Variants in STK3 observed in about 807,000 individuals in gnomAD.
STK3 encodes serine/threonine-protein kinase 3.
In STK3, 41 loss-of-function variants were observed where a neutral mutation model predicts 58.0. That is an observed-to-expected ratio of 0.71 (90% CI 0.55 to 0.92). The LOEUF is 0.92. Among genes scored for constraint, STK3 ranks in the 40% least tolerant of loss-of-function variants. The probability of loss-of-function intolerance (pLI) is 0.00; values close to 1 mark genes in which losing one functional copy is unlikely to be tolerated. For synonymous variants in STK3, 170 were observed against 191.0 expected, an observed-to-expected ratio of 0.89 and a Z score of 0.91; for missense variants, 479 against 602.7, an observed-to-expected ratio of 0.79 and a Z score of 2.15.
intron 10 of STK3, among the ~76,000 whole-genome samples, chr8:98,469,258 C>CGG (rs1446206925): frequency 7.1e-5 from 4 of 56,676 alleles, no homozygotes; most frequent in African/African-American, 2.4e-4. Flanking sequence ...TTTGCGGGGG[C>CGG]GGGGGGGCGG....
intron 6 of STK3, among the ~76,000 whole-genome samples, chr8:98,626,303 C>G (rs554098960): frequency 2.8e-4 from 43 of 152,318 alleles, no homozygotes; most frequent in Admixed American, 2.4e-3. Context: ...GAAACACTCT[C>G]TTCCCAAAAA....
intron 4 of STK3, among the ~76,000 whole-genome samples, chr8:98,742,676 C>G (rs1829315451): frequency 6.6e-6 from 1 of 150,648 alleles, no homozygotes; most frequent in South Asian, 2.1e-4. Flanking sequence ...TGGCACAAGA[C>G]AGGGATGCCC....
chr8:98,591,008 T>C (rs1038016932), intron 7 of STK3, among the ~76,000 whole-genome samples: 1 of 152,228 alleles, frequency 6.6e-6, no homozygotes, highest in Non-Finnish European at 1.5e-5. Flanking sequence ...CCTGCTAATC[T>C]TAAAATGCCT....
intron 3 of STK3, among the ~76,000 whole-genome samples, chr8:98,843,492 T>C (rs1332314866): frequency 6.6e-6 from 1 of 152,230 alleles, no homozygotes; most frequent in African/African-American, 2.4e-5. Flanking sequence ...AAGACTTCAA[T>C]GGCTGCCGAA....
chr8:98,498,563 G>A (rs1470525491), intron 10 of STK3, among the ~76,000 whole-genome samples: 3 of 152,122 alleles, frequency 2.0e-5, no homozygotes, highest in African/African-American at 7.2e-5. Context: ...GCAAAAAGGA[G>A]GATCTTTTGC....
chr8:98,790,121 A>C (rs1400910723), intron 1 of STK3, among the ~76,000 whole-genome samples: 1 of 151,910 alleles, frequency 6.6e-6, no homozygotes, highest in Admixed American at 6.6e-5. Context: ...TGCCAATCCT[A>C]CTGAAACTAT....
intron 3 of STK3, among the ~76,000 whole-genome samples, chr8:98,837,078 T>C (rs1835773479): frequency 6.6e-6 from 1 of 152,156 alleles, no homozygotes; most frequent in Admixed American, 6.5e-5. Context: ...GTTTTGACCT[T>C]GTGGACCCCT....
intron 4 of STK3, among the ~76,000 whole-genome samples, chr8:98,748,502 A>G (rs2131351705): frequency 6.6e-6 from 1 of 152,196 alleles, no homozygotes; most frequent in Admixed American, 6.5e-5. Context: ...TTAACTACAA[A>G]TTGACTGAAG....
At chr8:98,650,268 T>C (rs1472389324) in intron 6 of STK3, among the ~76,000 whole-genome samples, 1 of 152,270 alleles carries the variant, frequency 6.6e-6, no homozygotes, top group African/African-American at 2.4e-5. Context: ...ATAATGATAA[T>C]AATGATAATA....
At chr8:98,886,454 G>C (rs576086514) in intron 1 of STK3, among the ~76,000 whole-genome samples, 1 of 152,252 alleles carries the variant, frequency 6.6e-6, no homozygotes, top group South Asian at 2.1e-4. Flanking sequence ...AACAATTTAA[G>C]CAATATAAAT....
intron 1 of STK3, among the ~76,000 whole-genome samples, chr8:98,387,286 T>C (rs1817800460): frequency 6.6e-6 from 1 of 152,228 alleles, no homozygotes; most frequent in Non-Finnish European, 1.5e-5. Context: ...GCACATAAGT[T>C]ATTCACTTTA....
At chr8:98,774,841 A>C in intron 1 of STK3, 22 bp from the exon 2 acceptor site, 1 of 1,511,700 alleles carries the variant, frequency 6.6e-7, no homozygotes, top group Non-Finnish European at 8.8e-7. Context: ...AAGAAAGAAG[A>C]AAGAAAATAT....
chr8:98,353,792 A>T, the STK3 span, among the ~76,000 whole-genome samples: 15,044 of 152,210 alleles, frequency 0.099, 807 homozygotes, highest in East Asian at 0.19. Context: ...AGATATAGGT[A>T]TAGGTAGATA....
At chr8:98,439,181 T>C (rs1818603474) in intron 1 of STK3, 2 of 152,258 alleles carry the variant, frequency 1.3e-5, no homozygotes, top group African/African-American at 4.8e-5. Context: ...GCTCCATGGA[T>C]ACAGGGATAT....
intron 6 of STK3, among the ~76,000 whole-genome samples, chr8:98,658,361 G>C (rs1304079442): frequency 6.6e-6 from 1 of 152,016 alleles, no homozygotes; most frequent in East Asian, 1.9e-4. Context: ...ATTAGTACCT[G>C]CAGGGTCATG....
chr8:98,860,039 A>G (rs1048419868), intron 3 of STK3, among the ~76,000 whole-genome samples: 1 of 152,186 alleles, frequency 6.6e-6, no homozygotes, highest in Non-Finnish European at 1.5e-5. Context: ...TCATTTATTC[A>G]TGTTAGTTCA....
chr8:98,408,299 CAATT>C (rs1490902422), intron 3 of STK3, among the ~76,000 whole-genome samples: 1 of 152,034 alleles, frequency 6.6e-6, no homozygotes, highest in African/African-American at 2.4e-5. Context: ...AGTGCCATGA[CAATT>C]AAAGGATTAT....
intron 1 of STK3, among the ~76,000 whole-genome samples, chr8:98,785,299 G>GA (rs1421615299): frequency 9.2e-5 from 14 of 152,262 alleles, no homozygotes; most frequent in Non-Finnish European, 1.6e-4. Flanking sequence ...GTGGCAGGGG[G>GA]ACCCTTTCCA....
chr8:98,830,767 G>A (rs1415409762), intron 3 of STK3, among the ~76,000 whole-genome samples: 1 of 152,016 alleles, frequency 6.6e-6, no homozygotes, highest in Non-Finnish European at 1.5e-5. Flanking sequence ...TCAGGAGATC[G>A]AGACCATCCT....
Sources: allele counts gnomAD v4.1 joint callset (sites outside exome capture counted in the v4.1 genomes callset), GRCh38; gene constraint gnomAD v4.1.1; transcripts MANE v1.5; gene names NCBI Gene and HGNC (gene_info 2026-07-23, HGNC 2026-07-21).